Variants in ZNF565 observed in about 807,000 individuals in gnomAD.
ZNF565 encodes zinc finger protein 565.
Under a neutral mutation model 39.4 loss-of-function variants are expected in ZNF565, and 27 were observed. The ratio of observed to expected loss-of-function variants is 0.69; its 90% CI spans 0.51 to 0.95. ZNF565 has a LOEUF of 0.95. Ranked by LOEUF, ZNF565 falls within the 40% of genes least tolerant of loss-of-function variation. The probability of loss-of-function intolerance (pLI) is 0.00; values close to 1 mark genes in which losing one functional copy is unlikely to be tolerated. For synonymous variants in ZNF565, 185 were observed against 216.6 expected, an observed-to-expected ratio of 0.85 and a Z score of 1.28; for missense variants, 524 against 621.1, an observed-to-expected ratio of 0.84 and a Z score of 1.66.
chr19:36,184,980 TG>T, intron 4 of ZNF565, among the ~76,000 whole-genome samples: 1 of 151,216 alleles, frequency 6.6e-6, no homozygotes, highest in South Asian at 2.1e-4. Context: ...TTAGCAGGCA[TG>T]GTGGCAGGCG....
At chr19:36,207,264 C>T (rs1407784952) in intron 1 of ZNF565, among the ~76,000 whole-genome samples, 5 of 152,192 alleles carry the variant, frequency 3.3e-5, no homozygotes, top group South Asian at 2.1e-4. Flanking sequence ...TTAAAAGGGG[C>T]GGGGCACAGT....
chr19:36,183,029 C>A lies in ZNF565; in HGVS notation c.937G>T (p.Gly313Trp). Residue 313 changes from glycine to tryptophan, a missense_variant, in exon 5 of 5, where the codon GGG becomes TGG. Coordinates refer to ENST00000304116, the MANE Select transcript of ZNF565 (RefSeq NM_152477.5). ...GARPYECKEC[G>W]KAFRQHSQLT... ...TGTGAGTGCTGTCTAAAGGCTTTCC[C>A]GCATTCTTTACACTCATAGGGTCTG... 6.2e-7 allele frequency: 1 copy of A among 1,614,182 alleles called. No individual in the cohort carries two copies. The highest frequency in any genetic ancestry group is 1.6e-4 in the Middle Eastern group (1 of 6,062).
intron 1 of ZNF565, among the ~76,000 whole-genome samples, chr19:36,203,742 A>AT (rs1221460228): frequency 4.0e-5 from 6 of 151,824 alleles, no homozygotes. Context: ...CGCCTGGCTG[A>AT]TTTTTTGTAT....
Position 36,233,768 on chromosome 19 carries a change from C to G in ZNF565, c.55+11708G>C, listed in dbSNP as rs1977506207. Among the ~76,000 whole-genome samples, 4 of 152,232 alleles carry G rather than the reference C, an allele frequency of 2.6e-5. No homozygotes were observed. The South Asian group carries it at 6.2e-4, about 24-fold the overall frequency. On this transcript the variant is annotated intron_variant, in intron 1 of 4. Transcript: ENST00000355114. Reference sequence around the variant, plus strand: ...CCTCCAGCCCTAAGGCGGTTTTCCCCTATCTCAGTAGATGGAATATACAAT... The same window carrying G: ...CCTCCAGCCCTAAGGCGGTTTTCCCGTATCTCAGTAGATGGAATATACAAT...
chr19:36,195,172 C>G lies in ZNF565; in HGVS notation c.10-16G>C. 1 of 1,609,082 alleles carries G rather than the reference C, an allele frequency of 6.2e-7. No homozygotes were observed. Among genetic ancestry groups the G allele is most frequent in the Non-Finnish European group, 8.5e-7 (1 of 1,177,206 alleles). On this transcript the variant is annotated splice_polypyrimidine_tract_variant and intron_variant, in intron 2 of 4. Transcript: ENST00000304116. ...TCACCAGTCCCTGAAACAATAAACC[C>G]ACGCATTAGTGTACATTAAGAAACT...
chr19:36,221,884 T>A (rs1251834893), intron 1 of ZNF565, among the ~76,000 whole-genome samples: 4 of 151,870 alleles, frequency 2.6e-5, no homozygotes, highest in Non-Finnish European at 5.9e-5. Flanking sequence ...CTCACTTTCT[T>A]TAATAACAGT....
chr19:36,187,341 T>C (rs535666293), intron 4 of ZNF565, among the ~76,000 whole-genome samples: 17 of 152,078 alleles, frequency 1.1e-4, no homozygotes, highest in African/African-American at 3.9e-4. Context: ...TATATTTATT[T>C]TTATTTATTT....
intron 3 of ZNF565, 71 bp from the exon 4 acceptor site, chr19:36,194,399 T>G: frequency 8.0e-7 from 1 of 1,252,746 alleles, no homozygotes; most frequent in South Asian, 1.6e-5. Flanking sequence ...CTGGTCACCA[T>G]GGAAAAGACG....
chr19:36,194,191 T>G, intron 4 of ZNF565, 42 bp downstream of exon 4: 1 of 1,535,582 alleles, frequency 6.5e-7, no homozygotes, highest in Non-Finnish European at 8.9e-7. Flanking sequence ...GTCAGTCGAC[T>G]CATCCAGGGA....
At chr19:36,241,901 T>C (rs562050817) in intron 1 of ZNF565, among the ~76,000 whole-genome samples, 1 of 151,040 alleles carries the variant, frequency 6.6e-6, no homozygotes, top group Non-Finnish European at 1.5e-5. Context: ...ACATAAGAGA[T>C]AAACTCTTGG....
intron 1 of ZNF565, chr19:36,236,848 C>T: frequency 6.2e-7 from 1 of 1,614,068 alleles, no homozygotes; most frequent in South Asian, 1.1e-5. Context: ...GTGGAAAAAC[C>T]TTCAGTGGCA....
intron 4 of ZNF565, among the ~76,000 whole-genome samples, chr19:36,187,927 C>G (rs1975369093): frequency 1.3e-5 from 2 of 151,514 alleles, no homozygotes; most frequent in African/African-American, 4.8e-5. Context: ...CGTGAGCCAC[C>G]GCGCCTGGCC....
chr19:36,186,735 C>T (rs1055328508), intron 4 of ZNF565, among the ~76,000 whole-genome samples: 3 of 151,714 alleles, frequency 2.0e-5, no homozygotes, highest in African/African-American at 4.8e-5. Context: ...TTCAGTGAGC[C>T]GAGAATAGTG....
chr19:36,215,302 T>C (rs1330918408), upstream of ZNF565: 1 of 152,298 alleles, frequency 6.6e-6, no homozygotes, highest in Non-Finnish European at 1.5e-5. Context: ...TAAGAGCTTC[T>C]GGCCTACGTG....
intron 1 of ZNF565, among the ~76,000 whole-genome samples, chr19:36,221,830 C>A (rs1358295450): frequency 6.6e-6 from 1 of 151,762 alleles, no homozygotes; most frequent in Non-Finnish European, 1.5e-5. Context: ...CTGTTTCCCT[C>A]CACCTTACAT....
Position 36,200,689 on chromosome 19 carries a change from A to G in ZNF565, c.9+1288T>C, listed in dbSNP as rs1311696379. On this transcript the variant is annotated intron_variant, in intron 2 of 4. Transcript: ENST00000304116. ...TTTTTAGTAGAGACGGGGTTTCACC[A>G]TGTTGGCCAGGATGGTTTTGATCTC... 2.0e-5 allele frequency among the ~76,000 whole-genome samples: 3 copies of G among 150,936 alleles called. No homozygotes were observed. The East Asian group carries it at 5.9e-4, about 30-fold the overall frequency.
At chr19:36,216,925 T>A (rs1385842853), upstream of ZNF565, among the ~76,000 whole-genome samples, 2 of 151,632 alleles carry the variant, frequency 1.3e-5, no homozygotes, top group African/African-American at 2.4e-5. Flanking sequence ...GGCGACATAG[T>A]GAGATCTCCC....
chr19:36,239,194 T>C (rs1480706288), intron 1 of ZNF565, among the ~76,000 whole-genome samples: 1 of 152,200 alleles, frequency 6.6e-6, no homozygotes, highest in Non-Finnish European at 1.5e-5. Flanking sequence ...CTTTAACTTT[T>C]TCTTTGTTCA....
chr19:36,222,562 G>A (rs953976969), intron 1 of ZNF565, among the ~76,000 whole-genome samples: 13 of 152,146 alleles, frequency 8.5e-5, no homozygotes, highest in East Asian at 1.9e-4. Flanking sequence ...TTGGTATTTC[G>A]CTAGGGACAT....
Sources: allele counts gnomAD v4.1 joint callset (sites outside exome capture counted in the v4.1 genomes callset), GRCh38; gene constraint gnomAD v4.1.1; transcripts MANE v1.5; gene names NCBI Gene and HGNC (gene_info 2026-07-23, HGNC 2026-07-21).